Variants in GUCA1C observed in about 807,000 individuals in gnomAD.
The protein encoded by GUCA1C is guanylyl cyclase-activating protein 3.
Under a neutral mutation model 16.2 loss-of-function variants are expected in GUCA1C, and 15 were observed. That is an observed-to-expected ratio of 0.93 (90% CI 0.62 to 1.43). The LOEUF (loss-of-function observed/expected upper bound fraction) is 1.43. Ranked by LOEUF, GUCA1C falls within the 40% of genes most tolerant of loss-of-function variation. The pLI is 0.00. For missense variants in GUCA1C, 275 were observed against 244.8 expected (o/e 1.12, Z -0.82); for synonymous variants, 78 against 85.4 (o/e 0.91, Z 0.48).
At chr3:108,950,485 T>C (rs1488834103) in intron 1 of GUCA1C, among the ~76,000 whole-genome samples, 1 of 152,222 alleles carries the variant, frequency 6.6e-6, no homozygotes, top group Non-Finnish European at 1.5e-5. Flanking sequence ...TTTTCCATAG[T>C]AGCTGTACTA....
intron 1 of GUCA1C, among the ~76,000 whole-genome samples, chr3:108,932,328 A>AC (rs1946676735): frequency 1.7e-5 from 2 of 117,548 alleles, no homozygotes; most frequent in African/African-American, 3.8e-5. Context: ...CCCACCAAAA[A>AC]AAAAAAAAAA....
At chr3:108,917,294 T>C (rs948547767) in intron 2 of GUCA1C, among the ~76,000 whole-genome samples, 6 of 152,158 alleles carry the variant, frequency 3.9e-5, no homozygotes, top group Non-Finnish European at 7.4e-5. Context: ...TAAAAAGTCA[T>C]GATAAAAAAT....
At chr3:108,921,972 A>G (rs972871611) in intron 1 of GUCA1C, among the ~76,000 whole-genome samples, 21 of 151,958 alleles carry the variant, frequency 1.4e-4, no homozygotes, top group African/African-American at 5.1e-4. Flanking sequence ...TCATTCTTAT[A>G]CCTTTGCATC....
intron 3 of GUCA1C, among the ~76,000 whole-genome samples, chr3:108,911,457 G>C (rs1226980366): frequency 6.6e-6 from 1 of 152,170 alleles, no homozygotes; most frequent in Non-Finnish European, 1.5e-5. Context: ...GGCTGGAACA[G>C]TAGCAAAGAT....
intron 1 of GUCA1C, among the ~76,000 whole-genome samples, chr3:108,923,588 T>A (rs934188255): frequency 2.0e-5 from 3 of 152,118 alleles, no homozygotes; most frequent in South Asian, 2.1e-4. Flanking sequence ...AAATATGACG[T>A]CTCTATATTT....
At chr3:108,909,969 A>AT (rs979854798) in intron 3 of GUCA1C, among the ~76,000 whole-genome samples, 3 of 152,094 alleles carry the variant, frequency 2.0e-5, no homozygotes, top group African/African-American at 7.2e-5. Context: ...CACAATTACC[A>AT]TTTCTATTAC....
chr3:108,909,350 C>A (rs529796144), intron 3 of GUCA1C, among the ~76,000 whole-genome samples: 1 of 152,064 alleles, frequency 6.6e-6, no homozygotes, highest in African/African-American at 2.4e-5. Context: ...AAGGTACAAT[C>A]GTAGAATAAA....
intron 1 of GUCA1C, among the ~76,000 whole-genome samples, chr3:108,952,789 G>A (rs1429456537): frequency 6.6e-6 from 1 of 151,546 alleles, no homozygotes; most frequent in Non-Finnish European, 1.5e-5. Context: ...CAAATCTACA[G>A]TAAAATAACC....
At chr3:108,927,909 C>T (rs1354717773) in intron 1 of GUCA1C, among the ~76,000 whole-genome samples, 1 of 152,130 alleles carries the variant, frequency 6.6e-6, no homozygotes, top group Non-Finnish European at 1.5e-5. Context: ...TGGGATGCTC[C>T]CTTGATGTGA....
At chr3:108,954,505 T>C (rs547244210), upstream of GUCA1C, among the ~76,000 whole-genome samples, 4 of 152,298 alleles carry the variant, frequency 2.6e-5, no homozygotes, top group African/African-American at 9.6e-5. Flanking sequence ...GCCACTGGCC[T>C]GCCAGCTTTA....
At chr3:108,939,784 C>T (rs1031119101) in intron 1 of GUCA1C, among the ~76,000 whole-genome samples, 1 of 152,124 alleles carries the variant, frequency 6.6e-6, no homozygotes, top group Non-Finnish European at 1.5e-5. Context: ...TGCGGTCTCT[C>T]TTGGATAGCA....
chr3:108,948,414 C>A (rs183713757), intron 1 of GUCA1C, among the ~76,000 whole-genome samples: 46 of 152,308 alleles, frequency 3.0e-4, no homozygotes, highest in Non-Finnish European at 5.7e-4. Flanking sequence ...GTGCAGCCTG[C>A]AGAACTGTAA....
At chr3:108,952,485 T>C (rs1946904283) in intron 1 of GUCA1C, among the ~76,000 whole-genome samples, 1 of 152,160 alleles carries the variant, frequency 6.6e-6, no homozygotes, top group East Asian at 1.9e-4. Flanking sequence ...CCTAAAGAAA[T>C]CTGTTCCTGA....
At position 108,908,355 on chromosome 3, in the gene GUCA1C, AC is replaced by A. The variant is rs372310970; in HGVS notation, c.443-147del. 6.3e-3 allele frequency: 2,726 copies of A among 431,150 alleles called. 83 individuals are homozygous for A. Among genetic ancestry groups the A allele is most frequent in the African/African-American group, 0.05 (2,182 of 43,762 alleles). 26.7% of individuals were successfully genotyped at this position (431,150 alleles called of 1,614,324 possible). ...AAGATCTTTGAAGATCTTCATTTAAACAAAAAAAAAAAAAAAAAGCATTCAC... is the reference window on the plus strand; with the variant it reads ...AAGATCTTTGAAGATCTTCATTTAAAAAAAAAAAAAAAAAAAAGCATTCAC... On this transcript the variant is annotated intron_variant, in intron 3 of 3. Coordinates refer to ENST00000261047, the MANE Select transcript of GUCA1C (RefSeq NM_005459.4).
chr3:108,929,509 G>C (rs1946648554), intron 1 of GUCA1C, among the ~76,000 whole-genome samples: 1 of 151,866 alleles, frequency 6.6e-6, no homozygotes, highest in South Asian at 2.1e-4. Context: ...TGATGAGAGG[G>C]GACATCCTTG....
In GUCA1C at chr3:108,920,524, A is replaced by AT. The variant is rs761277131; in HGVS notation, c.265dup (p.Met89AsnfsTer10). On this transcript the variant is annotated frameshift_variant, in exon 2 of 4. Coordinates refer to ENST00000261047, the MANE Select transcript of GUCA1C (RefSeq NM_005459.4). LOFTEE classifies it high-confidence loss of function. ...AAAATACCATTTTAATTTTTGCTCC[A>AT]TTTTTTCTTGCATGATTAGATTTAC... is the stretch of plus-strand genomic sequence containing the variant. The AT allele has an allele frequency of 1.9e-5, 31 of 1,592,012 alleles. No individual in the cohort carries two copies. Among genetic ancestry groups the AT allele is most frequent in the African/African-American group, 1.6e-4 (12 of 74,522 alleles).
intron 3 of GUCA1C, among the ~76,000 whole-genome samples, chr3:108,909,668 GTGGTCTCAGC>G (rs1443032174): frequency 1.3e-5 from 2 of 152,210 alleles, no homozygotes; most frequent in African/African-American, 4.8e-5. Context: ...GGATATAGTA[GTGGTCTCAGC>G]TGAAAAGCAA....
At chr3:108,950,849 A>G (rs1245231196) in intron 1 of GUCA1C, among the ~76,000 whole-genome samples, 3 of 152,166 alleles carry the variant, frequency 2.0e-5, no homozygotes, top group African/African-American at 7.2e-5. Flanking sequence ...TGATAAAAGC[A>G]CAAATTTTCA....
chr3:108,939,776 C>A (rs1000100956), intron 1 of GUCA1C, among the ~76,000 whole-genome samples: 1 of 152,062 alleles, frequency 6.6e-6, no homozygotes, highest in East Asian at 1.9e-4. Flanking sequence ...ACTTAGACTG[C>A]GGTCTCTCTT....
Sources: gnomAD v4.1 joint callset for allele counts (sites outside exome capture counted in the v4.1 genomes callset) on GRCh38, gnomAD v4.1.1 for gene constraint, MANE v1.5 for transcripts, NCBI Gene and HGNC (gene_info 2026-07-23, HGNC 2026-07-21) for gene names.